HDAC9: variants seen among roughly 807,000 people sequenced by gnomAD.
HDAC9 encodes histone deacetylase 9.
HDAC9 carries 41 observed loss-of-function variants against 139.4 expected under a neutral mutation model. The observed-to-expected ratio is 0.29, with a 90% CI of 0.23 to 0.38. The LOEUF is 0.38. Ranked by LOEUF, HDAC9 falls within the 10% of genes least tolerant of loss-of-function variation. The probability of loss-of-function intolerance (pLI) is 1.00; values close to 1 mark genes in which losing one functional copy is unlikely to be tolerated. For synonymous variants in HDAC9, 517 were observed against 476.2 expected (o/e 1.09, Z -1.12); for missense variants, 1,147 against 1,297.0 (o/e 0.88, Z 1.78).
chr7:18,259,218 C>T (rs991885855), intron 2 of HDAC9, among the ~76,000 whole-genome samples: 2 of 152,110 alleles, frequency 1.3e-5, no homozygotes, highest in African/African-American at 4.8e-5. Context: ...ATCCACCTGC[C>T]TTGGCCTCCC....
At position 18,108,906 on chromosome 7, in the gene HDAC9, A is replaced by C. The variant is rs559938525; in HGVS notation, c.-97+21693A>C. On this transcript the variant is annotated intron_variant, in intron 1 of 12. Coordinates refer to the HDAC9 transcript ENST00000417496. ...AAGTGTTGGATTACAGGTGTGAGCCACTGCGCCTGGCCACACTCGTCTCTT... is the reference window on the plus strand; with the variant it reads ...AAGTGTTGGATTACAGGTGTGAGCCCCTGCGCCTGGCCACACTCGTCTCTT... Among the ~76,000 whole-genome samples, 5 of 152,166 alleles carry C rather than the reference A, an allele frequency of 3.3e-5. No individual in the cohort carries two copies. In the East Asian group the frequency reaches 7.7e-4, roughly 23 times the overall value.
At chr7:18,855,870 T>A (rs902991768) in intron 21 of HDAC9, among the ~76,000 whole-genome samples, 1 of 152,124 alleles carries the variant, frequency 6.6e-6, no homozygotes. Context: ...TTCCTTCTTT[T>A]ACTTCTGTGC....
intron 12 of HDAC9, among the ~76,000 whole-genome samples, chr7:18,707,061 G>T (rs1019931184): frequency 6.6e-6 from 1 of 152,126 alleles, no homozygotes; most frequent in East Asian, 1.9e-4. Context: ...AGAGCCAAGA[G>T]CTAGGGGTGG....
chr7:18,239,261 G>A (rs571987276), intron 2 of HDAC9, among the ~76,000 whole-genome samples: 8 of 152,242 alleles, frequency 5.3e-5, no homozygotes, highest in African/African-American at 1.9e-4. Context: ...ACTGCCATTA[G>A]AAATAGAAGG....
At chr7:18,869,096 G>C (rs188092375) in intron 21 of HDAC9, among the ~76,000 whole-genome samples, 3 of 152,036 alleles carry the variant, frequency 2.0e-5, no homozygotes, top group South Asian at 4.1e-4. Context: ...AACCCAAAGA[G>C]GGGGGCATGG....
intron 1 of HDAC9, among the ~76,000 whole-genome samples, chr7:18,297,780 T>C (rs181071156): frequency 6.6e-6 from 1 of 152,338 alleles, no homozygotes; most frequent in Admixed American, 6.5e-5. Flanking sequence ...AGTTTGTTTC[T>C]AGGGCTGCCA....
chr7:18,159,257 A>AT (rs1360234655), intron 1 of HDAC9, among the ~76,000 whole-genome samples: 1 of 152,108 alleles, frequency 6.6e-6, no homozygotes, highest in Non-Finnish European at 1.5e-5. Context: ...AATTTGTATT[A>AT]TTTTTCTATT....
At chr7:18,574,761 G>T (rs1305144668) in intron 2 of HDAC9, among the ~76,000 whole-genome samples, 2 of 152,256 alleles carry the variant, frequency 1.3e-5, no homozygotes, top group Admixed American at 1.3e-4. Context: ...ACCCAGCCGG[G>T]TTGCGACAGT....
chr7:18,952,575 C>T (rs2129323237), intron 23 of HDAC9, among the ~76,000 whole-genome samples: 1 of 152,006 alleles, frequency 6.6e-6, no homozygotes, highest in Non-Finnish European at 1.5e-5. Flanking sequence ...TCTCTAAGCT[C>T]CAAGAAAGGA....
At position 18,833,481 on chromosome 7, in the gene HDAC9, C is replaced by A. The variant is rs922949530; in HGVS notation, c.2467-1986C>A. Among the ~76,000 whole-genome samples the A allele has an allele frequency of 2.6e-5, 4 of 152,142 alleles. No individual in the cohort carries two copies. The South Asian group carries it at 8.3e-4, about 32-fold the overall frequency. On this transcript the variant is annotated intron_variant, in intron 19 of 25. Transcript: ENST00000686413. Reference sequence around the variant, plus strand: ...TTGTATAGGGGAAATACAAATATCCCCTTAATGTTGTTTTTCAAAATATTT... The same window carrying A: ...TTGTATAGGGGAAATACAAATATCCACTTAATGTTGTTTTTCAAAATATTT...
intron 25 of HDAC9, among the ~76,000 whole-genome samples, chr7:18,984,834 T>G (rs1407608458): frequency 6.6e-6 from 1 of 152,156 alleles, no homozygotes; most frequent in Non-Finnish European, 1.5e-5. Flanking sequence ...GTAATGGTAC[T>G]GTTAGAAAAT....
chr7:18,739,512 A>G (rs145656801), intron 13 of HDAC9, among the ~76,000 whole-genome samples: 6,436 of 152,278 alleles, frequency 0.042, 297 homozygotes, highest in East Asian at 0.1. Context: ...CCTTCTAACC[A>G]TCAGGTCCCT....
chr7:18,714,845 C>T (rs894786402), intron 12 of HDAC9, among the ~76,000 whole-genome samples: 1 of 152,130 alleles, frequency 6.6e-6, no homozygotes, highest in Admixed American at 6.5e-5. Context: ...TTGAGTCCAC[C>T]ATTGTATCTT....
At chr7:18,908,440 G>A (rs1026619195) in intron 22 of HDAC9, among the ~76,000 whole-genome samples, 2 of 151,970 alleles carry the variant, frequency 1.3e-5, no homozygotes, top group African/African-American at 4.8e-5. Context: ...AGAATAAATT[G>A]TTGTTAACTG....
chr7:18,740,342 C>T (rs909954772), intron 13 of HDAC9, among the ~76,000 whole-genome samples: 9 of 152,348 alleles, frequency 5.9e-5, no homozygotes, highest in African/African-American at 2.2e-4. Context: ...AATCCCCCAT[C>T]TTCTGTGTCA....
At chr7:18,239,139 T>C (rs2697910) in intron 2 of HDAC9, among the ~76,000 whole-genome samples, 106,932 of 150,608 alleles carry the variant, frequency 0.71, 38,035 homozygotes, top group South Asian at 0.83. Context: ...GTTTTTTTTT[T>C]CCCCCTAAAA....
intron 16 of HDAC9, among the ~76,000 whole-genome samples, chr7:18,779,239 C>G (rs768825306): frequency 2.6e-5 from 4 of 152,054 alleles, no homozygotes; most frequent in Non-Finnish European, 5.9e-5. Context: ...TATCATAAAT[C>G]CATCCCAGCT....
chr7:18,496,109 T>A, intron 1 of HDAC9, 86 bp downstream of exon 1: 1 of 1,398,340 alleles, frequency 7.2e-7, no homozygotes, highest in African/African-American at 1.4e-5. Context: ...AAGTTGATCC[T>A]CTGCTGCTTC....
chr7:18,991,585 G>C (rs373163103), intron 25 of HDAC9, among the ~76,000 whole-genome samples: 194 of 151,866 alleles, frequency 1.3e-3, no homozygotes, highest in African/African-American at 4.2e-3. Context: ...TGCAGTGAGC[G>C]GAGATGGTGC....
Sources: allele counts gnomAD v4.1 joint callset (sites outside exome capture counted in the v4.1 genomes callset), GRCh38; gene constraint gnomAD v4.1.1; transcripts MANE v1.5; gene names NCBI Gene and HGNC (gene_info 2026-07-23, HGNC 2026-07-21).